Variants in ZNF790 observed in about 807,000 individuals in gnomAD.
ZNF790 encodes zinc finger protein 790.
Under a neutral mutation model 12.1 loss-of-function variants are expected in ZNF790, and 8 were observed. The ratio of observed to expected loss-of-function variants is 0.66; its 90% CI spans 0.39 to 1.19. The LOEUF is 1.19. Among genes scored for constraint, ZNF790 ranks in the 50% most tolerant of loss-of-function variants. ZNF790 has a pLI of 0.01. For synonymous variants in ZNF790, 252 were observed against 244.3 expected (o/e 1.03, Z -0.29); for missense variants, 707 against 752.2 (o/e 0.94, Z 0.70).
upstream of ZNF790, among the ~76,000 whole-genome samples, chr19:36,840,142 T>C (rs921299998): frequency 6.6e-6 from 1 of 152,204 alleles, no homozygotes; most frequent in African/African-American, 2.4e-5. Context: ...TCTGTCTTGA[T>C]TAGTTGTTAA....
At chr19:36,836,494 C>T (rs1262141259) in intron 1 of ZNF790, among the ~76,000 whole-genome samples, 1 of 152,000 alleles carries the variant, frequency 6.6e-6, no homozygotes, top group Non-Finnish European at 1.5e-5. Context: ...CGCGGTGGCT[C>T]ACGCCTGTAA....
At chr19:36,844,333 CAA>C (rs34420002) in intron 1 of ZNF790, among the ~76,000 whole-genome samples, 2 of 128,380 alleles carry the variant, frequency 1.6e-5, no homozygotes, top group African/African-American at 5.6e-5. Context: ...AAACAAAAAA[CAA>C]AAAAAAAAAA....
rs774004736 is a variant in ZNF790 at position 36,819,619 on chromosome 19, G to C, written c.725C>G (p.Thr242Ser). 2.4e-5 allele frequency: 38 copies of C among 1,607,276 alleles called. No individual in the cohort carries two copies. Among genetic ancestry groups the C allele is most frequent in the African/African-American group, 2.7e-5 (2 of 74,560 alleles). ...ACCGGTATGAATTCTCTTATGACCAGTAAGACTCGAACGTAAACTAAAAGA... is the reference window on the plus strand; with the variant it reads ...ACCGGTATGAATTCTCTTATGACCACTAAGACTCGAACGTAAACTAAAAGA... ...GKSFSLRSSL[T>S]GHKRIHTGEK... is the part of the protein sequence containing the mutation. The change falls in exon 5 of 5, where the codon ACT becomes AGT. Residue 242 changes from threonine (T) to serine (S), a missense_variant. By Grantham distance (58) the Thr-to-Ser change is moderately conservative. Coordinates refer to ENST00000356725, the MANE Select transcript of ZNF790 (RefSeq NM_206894.4).
At position 36,818,626 on chromosome 19, in the gene ZNF790, T is replaced by C. The variant is rs1297159715; in HGVS notation, c.1718A>G (p.His573Arg). The change falls in exon 5 of 5, where the codon CAC becomes CGC. Residue 573 changes from histidine to arginine, a missense_variant. Transcript: ENST00000356725. ...TTTTTGTTCAGTAAAATATGAATGG[T>C]GACTAAAGATGTGGCTACTTTTCTT... ...GCKKSSHIFS[H>R]HSYFTEQKIH... 1 of 1,610,730 alleles carries C rather than the reference T, an allele frequency of 6.2e-7. No homozygotes were observed. Among genetic ancestry groups the C allele is most frequent in the African/African-American group, 1.3e-5 (1 of 74,842 alleles).
chr19:36,822,953 A>C (rs1242559399), intron 4 of ZNF790, among the ~76,000 whole-genome samples: 2 of 151,608 alleles, frequency 1.3e-5, no homozygotes, highest in South Asian at 2.1e-4. Flanking sequence ...CTGGTTCAAC[A>C]ATTCTCCTGC....
rs371961628 is a variant in ZNF790, at chr19:36,818,747, G to C, written c.1597C>G (p.Pro533Ala). ...RHQRMHTGEEPYVCKECGKSF... is the reference protein window; with the variant it reads ...RHQRMHTGEEAYVCKECGKSF... ...TTCCCACATTCTTTACATACGTAAG[G>C]TTCCTCACCAGTATGCATTCTCTGA... is the stretch of plus-strand genomic sequence containing the variant. Residue 533 changes from proline (P) to alanine (A), a missense_variant, in exon 5 of 5, where the codon CCT (proline) becomes GCT (alanine). By Grantham distance (27) the Pro-to-Ala change is conservative. Coordinates refer to ENST00000356725, the MANE Select transcript of ZNF790 (RefSeq NM_206894.4). 6.2e-7 allele frequency: 1 copy of C among 1,611,934 alleles called. No individual in the cohort carries two copies. Among genetic ancestry groups the C allele is most frequent in the Non-Finnish European group, 8.5e-7 (1 of 1,179,356 alleles).
At chr19:36,849,153 CT>C (rs1157485923) in intron 1 of ZNF790, among the ~76,000 whole-genome samples, 2 of 152,218 alleles carry the variant, frequency 1.3e-5, no homozygotes, top group South Asian at 2.1e-4. Context: ...TCTCAAACTC[CT>C]GAGCTCAAGT....
At chr19:36,823,953 A>G in intron 2 of ZNF790, 163 bp from the exon 3 acceptor site, 1 of 506,068 alleles carries the variant, frequency 2.0e-6, no homozygotes, top group Non-Finnish European at 3.4e-6. Context: ...GGGAAATGAC[A>G]TGGGAATAAG....
In ZNF790 at chr19:36,819,359, G is replaced by C; in HGVS notation, c.985C>G (p.Gln329Glu). The C allele has an allele frequency of 6.2e-7, 1 of 1,612,734 alleles. No homozygotes were observed. Among genetic ancestry groups the C allele is most frequent in the Non-Finnish European group, 8.5e-7 (1 of 1,179,356 alleles). Residue 329 changes from glutamine to glutamate, a missense_variant, in exon 5 of 5, where the codon CAG becomes GAG. Coordinates refer to ENST00000356725, the MANE Select transcript of ZNF790 (RefSeq NM_206894.4). ...FSQRSHLIKH[Q>E]RIHTGEKPYE... ...GGTTTTTCACCAGTGTGAATTCTCT[G>C]ATGTTTAATAAGATGTGATCGCTGA...
chr19:36,844,040 G>T (rs1196905244), intron 1 of ZNF790, among the ~76,000 whole-genome samples: 6 of 149,546 alleles, frequency 4.0e-5, no homozygotes, highest in Non-Finnish European at 8.9e-5. Flanking sequence ...AAAAAAAAAG[G>T]CCGGGCAGGG....
chr19:36,833,069 T>A (rs73607681), intron 1 of ZNF790, among the ~76,000 whole-genome samples: 2,044 of 151,938 alleles, frequency 0.013, 53 homozygotes, highest in African/African-American at 0.046. Context: ...AAATTTAAAA[T>A]GACAGCACTT....
Position 36,819,644 on chromosome 19 carries a change from A to G in ZNF790, c.700T>C (p.Ser234Pro), listed in dbSNP as rs763531175. 6.2e-7 allele frequency: 1 copy of G among 1,607,672 alleles called. No individual in the cohort carries two copies. The highest frequency in any genetic ancestry group is 8.5e-7 in the Non-Finnish European group (1 of 1,176,546). The change falls in exon 5 of 5, where the codon TCT becomes CCT. Residue 234 changes from serine to proline, a missense_variant. By Grantham distance (74) the Ser-to-Pro change is moderately conservative (BLOSUM62 -1). Coordinates refer to ENST00000356725, the MANE Select transcript of ZNF790 (RefSeq NM_206894.4). ...GTAAGACTCGAACGTAAACTAAAAG[A>G]CTTCCCACATTCTTTACATTCATAT... ...KTYECKECGK[S>P]FSLRSSLTGH...
chr19:36,832,768 C>T (rs921363755), intron 1 of ZNF790, among the ~76,000 whole-genome samples: 2 of 151,924 alleles, frequency 1.3e-5, no homozygotes, highest in Admixed American at 6.6e-5. Context: ...CAATAGATAA[C>T]TAATATAGAA....
chr19:36,842,073 G>C (rs930440701), upstream of ZNF790, among the ~76,000 whole-genome samples: 9 of 151,844 alleles, frequency 5.9e-5, no homozygotes, highest in African/African-American at 1.7e-4. Context: ...TTAGATGAAG[G>C]GTTCTTAGAC....
intron 1 of ZNF790, among the ~76,000 whole-genome samples, chr19:36,827,177 T>TATATATATATATAC (rs1387560651): frequency 8.2e-6 from 1 of 121,226 alleles, no homozygotes; most frequent in African/African-American, 3.2e-5. Flanking sequence ...TATATATATA[T>TATATATATATATAC]ACACTTACCA....
At chr19:36,820,270 A>T (rs1202392576) in intron 4 of ZNF790, among the ~76,000 whole-genome samples, 156 bp from the exon 5 acceptor site, 1 of 152,242 alleles carries the variant, frequency 6.6e-6, no homozygotes, top group Non-Finnish European at 1.5e-5. Flanking sequence ...AGGGCAAGAA[A>T]TAAGTAGAAA....
At chr19:36,827,137 CACACATAT>C (rs1288244530) in intron 1 of ZNF790, among the ~76,000 whole-genome samples, 7 of 72,588 alleles carry the variant, frequency 9.6e-5, no homozygotes, top group African/African-American at 3.7e-4. Flanking sequence ...CACACACACA[CACACATAT>C]ATATATATAT....
chr19:36,830,627 A>G (rs1447926242), intron 1 of ZNF790, among the ~76,000 whole-genome samples: 1 of 152,208 alleles, frequency 6.6e-6, no homozygotes, highest in Non-Finnish European at 1.5e-5. Flanking sequence ...GAGCTTCTGA[A>G]TGGTAAAGAA....
At chr19:36,828,739 A>G (rs1385851659) in intron 1 of ZNF790, among the ~76,000 whole-genome samples, 1 of 152,208 alleles carries the variant, frequency 6.6e-6, no homozygotes, top group African/African-American at 2.4e-5. Context: ...TTGGCCTCCC[A>G]AAGTGCTGGA....
Sources: allele counts gnomAD v4.1 joint callset (sites outside exome capture counted in the v4.1 genomes callset), GRCh38; gene constraint gnomAD v4.1.1; transcripts MANE v1.5; gene names NCBI Gene and HGNC (gene_info 2026-07-23, HGNC 2026-07-21).